The following MAGI1 variants were observed in gnomAD, a reference collection of about 807,000 sequenced individuals.
MAGI1 encodes the protein membrane-associated guanylate kinase, WW and PDZ domain-containing protein 1.
Under a neutral mutation model 139.9 loss-of-function variants are expected in MAGI1, and 58 were observed. The ratio of observed to expected loss-of-function variants is 0.41; its 90% confidence interval spans 0.34 to 0.52. MAGI1 has a LOEUF of 0.52. MAGI1 is among the 20% of genes least tolerant of loss of function. The probability of loss-of-function intolerance (pLI) is 0.12; values close to 1 mark genes in which losing one functional copy is unlikely to be tolerated. For missense variants in MAGI1, 1,874 were observed against 1,901.6 expected (o/e 0.99, Z 0.27); for synonymous variants, 812 against 737.9 (o/e 1.10, Z -1.63).
intron 1 of MAGI1, among the ~76,000 whole-genome samples, chr3:65,816,793 C>T (rs570450347): frequency 2.8e-4 from 42 of 152,276 alleles, no homozygotes; most frequent in African/African-American, 4.1e-4. Flanking sequence ...CCAATATCAT[C>T]ACCGTAATGC....
At chr3:65,641,958 G>A (rs1359216302) in intron 1 of MAGI1, among the ~76,000 whole-genome samples, 3 of 152,192 alleles carry the variant, frequency 2.0e-5, no homozygotes, top group Non-Finnish European at 4.4e-5. Flanking sequence ...TTTCTGCCAG[G>A]CTGTGATCGA....
intron 2 of MAGI1, among the ~76,000 whole-genome samples, 179 bp from the exon 3 acceptor site, chr3:65,493,810 T>A (rs1254232763): frequency 6.6e-6 from 1 of 152,182 alleles, no homozygotes; most frequent in Non-Finnish European, 1.5e-5. Flanking sequence ...CACAACAGCA[T>A]TCTCATTTCC....
At chr3:65,997,235 T>C (rs540325491) in intron 1 of MAGI1, among the ~76,000 whole-genome samples, 3 of 152,272 alleles carry the variant, frequency 2.0e-5, no homozygotes, top group African/African-American at 7.2e-5. Flanking sequence ...CAAGACCTTA[T>C]ACAAGATCCA....
chr3:65,701,452 C>T (rs1324835376), intron 1 of MAGI1, among the ~76,000 whole-genome samples: 3 of 152,162 alleles, frequency 2.0e-5, no homozygotes, highest in Non-Finnish European at 4.4e-5. Context: ...GGGGTTTCGC[C>T]ATGTTGGCCA....
At chr3:65,767,877 A>C (rs1336848327) in intron 1 of MAGI1, among the ~76,000 whole-genome samples, 1 of 152,210 alleles carries the variant, frequency 6.6e-6, no homozygotes, top group Non-Finnish European at 1.5e-5. Context: ...AATGTAAACC[A>C]AGCCACTTTT....
At chr3:65,641,214 G>GCT (rs1285778818) in intron 1 of MAGI1, among the ~76,000 whole-genome samples, 2 of 152,306 alleles carry the variant, frequency 1.3e-5, no homozygotes, top group Non-Finnish European at 2.9e-5. Flanking sequence ...GCACAGAGCT[G>GCT]CTCTCTCTTG....
At chr3:65,719,119 T>G (rs1306471115) in intron 1 of MAGI1, among the ~76,000 whole-genome samples, 2 of 151,554 alleles carry the variant, frequency 1.3e-5, no homozygotes, top group Non-Finnish European at 2.9e-5. Context: ...ACCAAAACAT[T>G]GTGTATTAAT....
In MAGI1 at chr3:65,402,433, A is replaced by G. The variant is rs1276041973; in HGVS notation, c.2168-963T>C. ...ACCACCAGGGAAGGGTGCGAAAGAC[A>G]GGCGAGAAAGGAAAATAAAGCGTAC... On this transcript the variant is annotated intron_variant, in intron 12 of 22. Coordinates refer to ENST00000402939, the MANE Select transcript of MAGI1 (RefSeq NM_001033057.2). Among the ~76,000 whole-genome samples, 4 of 152,188 alleles carry G rather than the reference A, an allele frequency of 2.6e-5. No homozygotes were observed. In the East Asian group the frequency reaches 7.7e-4, roughly 29 times the overall value.
chr3:65,491,199 T>C (rs948519339), intron 3 of MAGI1, among the ~76,000 whole-genome samples: 9 of 151,696 alleles, frequency 5.9e-5, no homozygotes, highest in African/African-American at 2.2e-4. Context: ...CTGAGCTGGG[T>C]TTGGTTCCTT....
At chr3:65,875,656 A>G (rs553150411) in intron 1 of MAGI1, among the ~76,000 whole-genome samples, 1 of 152,310 alleles carries the variant, frequency 6.6e-6, no homozygotes, top group South Asian at 2.1e-4. Context: ...AAGGACTACA[A>G]TAGGTCATAC....
intron 18 of MAGI1, among the ~76,000 whole-genome samples, chr3:65,369,399 G>T (rs1375924022): frequency 6.6e-6 from 1 of 152,168 alleles, no homozygotes; most frequent in Non-Finnish European, 1.5e-5. Flanking sequence ...TAGATAGCAT[G>T]AACTAGACAT....
intron 1 of MAGI1, among the ~76,000 whole-genome samples, chr3:65,942,736 G>A (rs745419570): frequency 6.6e-5 from 10 of 152,270 alleles, no homozygotes; most frequent in African/African-American, 1.7e-4. Context: ...TGTAAAATGC[G>A]ACCAGGTGCG....
At chr3:65,628,892 G>T (rs1040508489) in intron 1 of MAGI1, among the ~76,000 whole-genome samples, 5 of 151,990 alleles carry the variant, frequency 3.3e-5, no homozygotes, top group African/African-American at 1.2e-4. Flanking sequence ...TTTCCTTTCT[G>T]TGACTTGCCT....
intron 1 of MAGI1, among the ~76,000 whole-genome samples, chr3:65,885,678 T>C (rs1575846065): frequency 2.0e-5 from 3 of 152,128 alleles, no homozygotes; most frequent in Admixed American, 1.3e-4. Flanking sequence ...CTGCACACGC[T>C]CTCTTGCCTG....
intron 1 of MAGI1, among the ~76,000 whole-genome samples, chr3:65,951,531 TCA>T (rs1249702219): frequency 6.6e-6 from 1 of 152,226 alleles, no homozygotes; most frequent in African/African-American, 2.4e-5. Flanking sequence ...GTCAAATATC[TCA>T]CAAGTAACTT....
intron 2 of MAGI1, among the ~76,000 whole-genome samples, chr3:65,586,295 T>G (rs760762617): frequency 1.6e-4 from 24 of 152,020 alleles, no homozygotes; most frequent in Non-Finnish European, 2.8e-4. Flanking sequence ...TACACTAGAT[T>G]ATCCCACTTA....
intron 1 of MAGI1, among the ~76,000 whole-genome samples, chr3:65,847,736 TTGTA>T (rs1282271420): frequency 6.6e-6 from 1 of 152,186 alleles, no homozygotes. Flanking sequence ...AGAGATGATT[TTGTA>T]TAAGTTAAAT....
In MAGI1 at chr3:66,014,673, T is replaced by C. The variant is rs2067525541; in HGVS notation, c.313+23323A>G. Among the ~76,000 whole-genome samples the C allele has an allele frequency of 2.6e-5, 4 of 152,342 alleles. No homozygotes were observed. In the South Asian group the frequency reaches 8.3e-4, roughly 32 times the overall value. On this transcript the variant is annotated intron_variant, in intron 1 of 22. Coordinates refer to ENST00000402939, the MANE Select transcript of MAGI1 (RefSeq NM_001033057.2). ...CAAAATGTTACCATTTTTAATAGGTTCTTCTCAATACTCTCCAAAGAGGCC... is the reference window on the plus strand; with the variant it reads ...CAAAATGTTACCATTTTTAATAGGTCCTTCTCAATACTCTCCAAAGAGGCC...
At chr3:65,415,878 T>C (rs1395387020) in intron 12 of MAGI1, among the ~76,000 whole-genome samples, 1 of 152,190 alleles carries the variant, frequency 6.6e-6, no homozygotes, top group African/African-American at 2.4e-5. Context: ...CTTCTCTTCC[T>C]CCTTTAGTTA....
Sources: allele counts gnomAD v4.1 joint callset (sites outside exome capture counted in the v4.1 genomes callset), GRCh38; gene constraint gnomAD v4.1.1; transcripts MANE v1.5; gene names NCBI Gene and HGNC (gene_info 2026-07-23, HGNC 2026-07-21).